Variants in PPP1R8 observed in about 807,000 individuals in gnomAD.
PPP1R8 encodes nuclear inhibitor of protein phosphatase 1.
In PPP1R8, 4 loss-of-function variants were observed where a neutral mutation model predicts 31.3. The observed-to-expected ratio is 0.13, with a 90% CI of 0.06 to 0.29. The LOEUF (loss-of-function observed/expected upper bound fraction) is 0.29. Ranked by LOEUF, PPP1R8 falls within the 10% of genes least tolerant of loss-of-function variation. The pLI is 1.00. For synonymous variants in PPP1R8, 170 were observed against 169.7 expected, an observed-to-expected ratio of 1.00 and a Z score of -0.01; for missense variants, 254 against 440.1, an observed-to-expected ratio of 0.58 and a Z score of 3.78.
intron 2 of PPP1R8, among the ~76,000 whole-genome samples, chr1:27,835,688 A>G (rs2089157719): frequency 6.6e-6 from 1 of 152,252 alleles, no homozygotes; most frequent in African/African-American, 2.4e-5. Context: ...TCCTTGCCAT[A>G]TGGTGCATTT....
intron 5 of PPP1R8, 102 bp from the exon 6 acceptor site, chr1:27,846,925 AT>A: frequency 1.0e-6 from 1 of 1,003,934 alleles, no homozygotes; most frequent in East Asian, 2.4e-5. Context: ...GTGTTTTACA[AT>A]TTTAATATGA....
rs751925159 is a variant in PPP1R8, at chr1:27,850,075, C to T, written c.703-18C>T. 6.5e-7 allele frequency: 1 copy of T among 1,531,406 alleles called. No homozygotes were observed. Among genetic ancestry groups the T allele is most frequent in the Non-Finnish European group, 8.8e-7 (1 of 1,137,086 alleles). The allele number at this position is 1,531,406 out of a possible 1,614,324, so 94.9% of individuals were successfully genotyped here. Reference sequence around the variant, plus strand: ...CTTCTCTCTCCAATCTCTCCCCTCTCCTCATCGTGAACTGTAGAAGAAGCG... The same window carrying T: ...CTTCTCTCTCCAATCTCTCCCCTCTTCTCATCGTGAACTGTAGAAGAAGCG... On this transcript the variant is annotated intron_variant, in intron 6 of 6. Coordinates refer to ENST00000311772, the MANE Select transcript of PPP1R8 (RefSeq NM_014110.5).
chr1:27,841,485 T>G (rs374582810), intron 4 of PPP1R8, among the ~76,000 whole-genome samples: 11 of 152,204 alleles, frequency 7.2e-5, no homozygotes, highest in Non-Finnish European at 1.5e-4. Context: ...TTGAGCTGTT[T>G]TGTGCACCTT....
chr1:27,836,566 C>T (rs2089168251), intron 2 of PPP1R8, among the ~76,000 whole-genome samples: 1 of 152,272 alleles, frequency 6.6e-6, no homozygotes, highest in African/African-American at 2.4e-5. Context: ...AGGCACCTGC[C>T]ACCACGCCCG....
chr1:27,841,035 A>G lies in PPP1R8; in HGVS notation c.293A>G (p.His98Arg). Residue 98 changes from histidine to arginine, a missense_variant, in exon 4 of 7, where the codon CAC becomes CGC. Physicochemically the swap from His to Arg is conservative, Grantham distance 29. This residue lies in a region of PPP1R8 where 52 missense variants were observed against 145.3 expected (regional missense o/e 0.36). Transcript: ENST00000311772. ...LNSTHGTFLG[H>R]IRLEPHKPQQ... Reference sequence around the variant, plus strand: ...CCAGCACACGGCACTTTCTTGGGTCACATTCGGTTGGAACCTCACAAGCCT... The same window carrying G: ...CCAGCACACGGCACTTTCTTGGGTCGCATTCGGTTGGAACCTCACAAGCCT... 6.2e-7 allele frequency: 1 copy of G among 1,614,174 alleles called. No individual in the cohort carries two copies. The highest frequency in any genetic ancestry group is 1.1e-5 in the South Asian group (1 of 91,082).
In PPP1R8 at chr1:27,830,828, G is replaced by A. The variant is rs2089092159; in HGVS notation, c.-8G>A. 4 of 1,575,012 alleles carry A rather than the reference G, an allele frequency of 2.5e-6. No homozygotes were observed. The highest frequency in any genetic ancestry group is 3.4e-6 in the Non-Finnish European group (4 of 1,161,304). ...TAGGGCGCGCCAAATGGGAGGGGGAGACGCAAGATGGCGGCAGCCGCGAAC... is the reference window on the plus strand; with the variant it reads ...TAGGGCGCGCCAAATGGGAGGGGGAAACGCAAGATGGCGGCAGCCGCGAAC... On this transcript the variant is annotated 5_prime_UTR_variant, in exon 1 of 7. Transcript: ENST00000311772.
intron 2 of PPP1R8, chr1:27,834,588 C>A (rs1250280102): frequency 1.9e-6 from 1 of 513,482 alleles, no homozygotes; most frequent in Admixed American, 2.0e-5. Flanking sequence ...CTGGCCATAG[C>A]TAGTCAAGAA....
chr1:27,845,089 C>T (rs748048485), intron 5 of PPP1R8, among the ~76,000 whole-genome samples: 7 of 144,990 alleles, frequency 4.8e-5, no homozygotes, highest in African/African-American at 1.5e-4. Flanking sequence ...CTGTTTTTCT[C>T]ACTGAAAATT....
Position 27,834,296 on chromosome 1 carries a change from G to A in PPP1R8, c.117+1480G>A, listed in dbSNP as rs762043448. ...TAACGTTCTCTTTCGATGTTGTTAA[G>A]TGTGCTGAGTTGCCACAAAGTTGTC... On this transcript the variant is annotated intron_variant, in intron 2 of 6. Coordinates refer to ENST00000311772, the MANE Select transcript of PPP1R8 (RefSeq NM_014110.5). 29 of 414,604 alleles carry A rather than the reference G, an allele frequency of 7.0e-5. No individual in the cohort carries two copies. The East Asian group carries it at 1.6e-3, about 23-fold the overall frequency. The allele number at this position is 414,604 out of a possible 1,614,324, so 25.7% of individuals were successfully genotyped here.
intron 2 of PPP1R8, 33 bp downstream of exon 2, chr1:27,832,849 C>T (rs1270671576): frequency 1.9e-6 from 3 of 1,559,984 alleles, no homozygotes; most frequent in Non-Finnish European, 2.6e-6. Context: ...TTTTTGGCTG[C>T]CACACTAAAG....
rs1348543269 is a variant in PPP1R8, at chr1:27,850,575, T to C, written c.*129T>C. The C allele has an allele frequency of 3.6e-6, 3 of 829,098 alleles. No individual in the cohort carries two copies. In the East Asian group the frequency reaches 8.0e-5, roughly 22 times the overall value. 51.4% of individuals were successfully genotyped at this position (829,098 alleles called of 1,614,324 possible). On this transcript the variant is annotated 3_prime_UTR_variant, in exon 7 of 7. Coordinates refer to ENST00000311772, the MANE Select transcript of PPP1R8 (RefSeq NM_014110.5). The stretch of plus-strand genomic sequence containing the variant: ...TCTTTCAGAATGTCTCCTGGCATCC[T>C]AACCATGTAATATGACAATTGGGGG...
chr1:27,847,568 T>TA (rs1251774599), intron 6 of PPP1R8, among the ~76,000 whole-genome samples: 1 of 150,898 alleles, frequency 6.6e-6, no homozygotes, highest in East Asian at 1.9e-4. Context: ...CTGTCTCTAC[T>TA]AAAAATACAA....
At chr1:27,847,141 T>A in intron 6 of PPP1R8, 49 bp downstream of exon 6, 1 of 1,573,744 alleles carries the variant, frequency 6.4e-7, no homozygotes, top group Non-Finnish European at 8.7e-7. Context: ...AAACCTGCTC[T>A]TTAGGCCAGG....
At chr1:27,841,271 G>A in intron 4 of PPP1R8, 37 bp downstream of exon 4, 3 of 1,607,812 alleles carry the variant, frequency 1.9e-6, no homozygotes, top group Non-Finnish European at 2.5e-6. Flanking sequence ...TGTCTTTGGG[G>A]ACCCTGGTTT....
At position 27,850,419 on chromosome 1, in the gene PPP1R8, G is replaced by A; in HGVS notation, c.1029G>A (p.Lys343=). The change falls in exon 7 of 7, where the codon AAG becomes AAA. Residue 343 remains lysine (K), a synonymous_variant. Transcript: ENST00000311772. ...KKYAKEAWPG[K]KPTPSLLI is the part of the protein sequence containing the mutation. ...ATGCAAAAGAGGCTTGGCCAGGCAA[G>A]AAGCCCACACCTTCCTTGCTGATTT... 6.6e-6 allele frequency: 9 copies of A among 1,356,038 alleles called. No homozygotes were observed. The highest frequency in any genetic ancestry group is 8.9e-6 in the Non-Finnish European group (9 of 1,016,428). The allele number at this position is 1,356,038 out of a possible 1,614,324, so 84.0% of individuals were successfully genotyped here.
Position 27,841,042 on chromosome 1 carries a change from G to T in PPP1R8, c.300G>T (p.Arg100=), listed in dbSNP as rs1414634339. The change falls in exon 4 of 7, where the codon CGG becomes CGT. Residue 100 remains arginine, a synonymous_variant. Coordinates refer to ENST00000311772, the MANE Select transcript of PPP1R8 (RefSeq NM_014110.5). ...STHGTFLGHI[R]LEPHKPQQIP... ...ACGGCACTTTCTTGGGTCACATTCG[G>T]TTGGAACCTCACAAGCCTCAGCAAA... 2 of 1,614,096 alleles carry T rather than the reference G, an allele frequency of 1.2e-6. No homozygotes were observed. The highest frequency in any genetic ancestry group is 4.5e-5 in the East Asian group (2 of 44,884).
intron 1 of PPP1R8, among the ~76,000 whole-genome samples, chr1:27,831,584 C>CT (rs2089107970): frequency 1.3e-5 from 2 of 152,162 alleles, no homozygotes; most frequent in African/African-American, 2.4e-5. Flanking sequence ...TGTAGCTCAT[C>CT]GCAGTGTATT....
intron 2 of PPP1R8, among the ~76,000 whole-genome samples, chr1:27,833,156 A>G (rs772875731): frequency 2.0e-5 from 3 of 152,222 alleles, no homozygotes; most frequent in Admixed American, 6.5e-5. Context: ...GTAACTGAAG[A>G]AAGTGAATGA....
intron 2 of PPP1R8, among the ~76,000 whole-genome samples, chr1:27,838,498 A>G (rs2148616277): frequency 6.6e-6 from 1 of 152,336 alleles, no homozygotes; most frequent in South Asian, 2.1e-4. Context: ...TATTCTGAGT[A>G]CTTTATGTTG....
Sources: gnomAD v4.1 joint callset for allele counts (sites outside exome capture counted in the v4.1 genomes callset) on GRCh38, gnomAD v4.1.1 for gene constraint, gnomAD v4.1.1 regional missense constraint, MANE v1.5 for transcripts, NCBI Gene and HGNC (gene_info 2026-07-23, HGNC 2026-07-21) for gene names.